TSPAN18: variants seen among roughly 807,000 people sequenced by gnomAD.
TSPAN18 encodes tetraspanin-18.
In TSPAN18, 14 loss-of-function variants were observed where a neutral mutation model predicts 27.3. The ratio of observed to expected loss-of-function variants is 0.51; its 90% CI spans 0.34 to 0.80. TSPAN18 has a LOEUF of 0.80. TSPAN18 is among the 30% of genes least tolerant of loss of function. The pLI, the probability that TSPAN18 is intolerant of heterozygous loss-of-function variation, is 0.01. For synonymous variants in TSPAN18, 143 were observed against 136.5 expected, an observed-to-expected ratio of 1.05 and a Z score of -0.33; for missense variants, 268 against 323.9, an observed-to-expected ratio of 0.83 and a Z score of 1.32.
intron 2 of TSPAN18, among the ~76,000 whole-genome samples, chr11:44,855,888 TTTTG>T (rs926776299): frequency 4.6e-5 from 7 of 151,762 alleles, no homozygotes; most frequent in Non-Finnish European, 7.4e-5. Flanking sequence ...TATTTTAATT[TTTTG>T]TTGTTGTTGA....
At chr11:44,886,944 C>T (rs888027644) in intron 3 of TSPAN18, among the ~76,000 whole-genome samples, 1 of 152,188 alleles carries the variant, frequency 6.6e-6, no homozygotes, top group Non-Finnish European at 1.5e-5. Context: ...GCACGTGTCT[C>T]TGTGTGTAGA....
chr11:44,786,214 T>C (rs1303067131), intron 2 of TSPAN18, among the ~76,000 whole-genome samples: 1 of 152,206 alleles, frequency 6.6e-6, no homozygotes, highest in Non-Finnish European at 1.5e-5. Context: ...GCTGGGCATG[T>C]GTTGTATCTC....
intron 3 of TSPAN18, among the ~76,000 whole-genome samples, chr11:44,880,308 G>T (rs1237981598): frequency 6.6e-6 from 1 of 152,206 alleles, no homozygotes; most frequent in Non-Finnish European, 1.5e-5. Flanking sequence ...CATACGCAGG[G>T]CTGGAAGCTG....
intron 1 of TSPAN18, among the ~76,000 whole-genome samples, chr11:44,762,171 G>A (rs1203553289): frequency 1.3e-5 from 2 of 152,202 alleles, no homozygotes; most frequent in Admixed American, 6.5e-5. Context: ...ACCAAGATGG[G>A]CACCCAAGGG....
intron 1 of TSPAN18, among the ~76,000 whole-genome samples, chr11:44,752,366 C>G (rs1397782528): frequency 1.3e-5 from 2 of 152,170 alleles, no homozygotes; most frequent in African/African-American, 4.8e-5. Context: ...CTATTCAGCT[C>G]AGCAGAACAA....
intron 1 of TSPAN18, among the ~76,000 whole-genome samples, chr11:44,740,421 G>C (rs1202068850): frequency 6.6e-6 from 1 of 152,214 alleles, no homozygotes; most frequent in Non-Finnish European, 1.5e-5. Context: ...AAGGGGAACA[G>C]CTGCCACCTG....
intron 3 of TSPAN18, among the ~76,000 whole-genome samples, chr11:44,899,314 C>A (rs1859173621): frequency 6.6e-6 from 1 of 152,250 alleles, no homozygotes; most frequent in African/African-American, 2.4e-5. Flanking sequence ...AAGGTCCCCA[C>A]CTGGGGGTAG....
chr11:44,899,679 C>T (rs1859187953), intron 3 of TSPAN18, among the ~76,000 whole-genome samples: 1 of 152,192 alleles, frequency 6.6e-6, no homozygotes, highest in South Asian at 2.1e-4. Flanking sequence ...TCATGCTCAG[C>T]ACAATTTCTA....
At chr11:44,898,451 C>G (rs1433867632) in intron 3 of TSPAN18, among the ~76,000 whole-genome samples, 1 of 152,244 alleles carries the variant, frequency 6.6e-6, no homozygotes, top group South Asian at 2.1e-4. Flanking sequence ...ACAGTAGTGT[C>G]AGAAGTTTAC....
At chr11:44,749,890 C>A (rs1281596442) in intron 1 of TSPAN18, among the ~76,000 whole-genome samples, 2 of 152,182 alleles carry the variant, frequency 1.3e-5, no homozygotes, top group African/African-American at 4.8e-5. Context: ...CCCGCCTTGG[C>A]CTCCCAAAGT....
chr11:44,838,418 T>C (rs1420208417), intron 2 of TSPAN18, among the ~76,000 whole-genome samples: 1 of 152,120 alleles, frequency 6.6e-6, no homozygotes, highest in Non-Finnish European at 1.5e-5. Flanking sequence ...CCATGACACA[T>C]GGGAATTATG....
chr11:44,808,679 G>A (rs557439130), intron 2 of TSPAN18, among the ~76,000 whole-genome samples: 1 of 152,294 alleles, frequency 6.6e-6, no homozygotes, highest in African/African-American at 2.4e-5. Context: ...CTGGGGCCTG[G>A]CAGCTGTGTG....
intron 2 of TSPAN18, among the ~76,000 whole-genome samples, chr11:44,766,829 C>T (rs1855578822): frequency 6.6e-6 from 1 of 152,328 alleles, no homozygotes; most frequent in African/African-American, 2.4e-5. Context: ...GGCTGAGTCC[C>T]AGCTCTGCCC....
At chr11:44,894,107 C>G (rs151276088) in intron 3 of TSPAN18, among the ~76,000 whole-genome samples, 11 of 152,200 alleles carry the variant, frequency 7.2e-5, no homozygotes, top group African/African-American at 2.2e-4. Flanking sequence ...AAGGAGGGAA[C>G]GGGGTGTGCA....
chr11:44,819,962 G>A (rs947487810), intron 2 of TSPAN18, among the ~76,000 whole-genome samples: 6 of 152,232 alleles, frequency 3.9e-5, no homozygotes, highest in Middle Eastern at 3.4e-3. Flanking sequence ...GTTTCTGAAA[G>A]CTCCCTGGGA....
chr11:44,812,691 T>A (rs906363155), intron 2 of TSPAN18, among the ~76,000 whole-genome samples: 2 of 152,086 alleles, frequency 1.3e-5, no homozygotes, highest in Non-Finnish European at 2.9e-5. Context: ...CAGGGATCAT[T>A]AAGGCACAGA....
chr11:44,737,307 A>C (rs1417075923), intron 1 of TSPAN18, among the ~76,000 whole-genome samples: 1 of 152,168 alleles, frequency 6.6e-6, no homozygotes, highest in African/African-American at 2.4e-5. Context: ...GAAGCTGAGA[A>C]GGGGGTCTGG....
At chr11:44,827,639 C>T (rs1432000529) in intron 2 of TSPAN18, among the ~76,000 whole-genome samples, 1 of 152,226 alleles carries the variant, frequency 6.6e-6, no homozygotes, top group East Asian at 1.9e-4. Flanking sequence ...AAATTATCCC[C>T]CTTTCAAAAT....
intron 1 of TSPAN18, among the ~76,000 whole-genome samples, chr11:44,752,598 A>G (rs917298776): frequency 6.6e-6 from 1 of 152,164 alleles, no homozygotes; most frequent in Non-Finnish European, 1.5e-5. Flanking sequence ...GTGCACATGT[A>G]TGCATACATA....
Sources: gnomAD v4.1 joint callset for allele counts (sites outside exome capture counted in the v4.1 genomes callset) on GRCh38, gnomAD v4.1.1 for gene constraint, MANE v1.5 for transcripts, NCBI Gene and HGNC (gene_info 2026-07-23, HGNC 2026-07-21) for gene names.